DAPK1: variants seen among roughly 807,000 people sequenced by gnomAD.
DAPK1 encodes the protein death associated protein kinase 1.
DAPK1 carries 56 observed loss-of-function variants against 144.9 expected under a neutral mutation model. That is an observed-to-expected ratio of 0.39 (90% CI 0.31 to 0.48). The LOEUF is 0.48. DAPK1 is among the 20% of genes least tolerant of loss of function. The probability of loss-of-function intolerance (pLI) is 0.95; values close to 1 mark genes in which losing one functional copy is unlikely to be tolerated. For missense variants in DAPK1, 1,454 were observed against 1,875.4 expected (o/e 0.78, Z 4.15); for synonymous variants, 690 against 749.0 (o/e 0.92, Z 1.29).
intron 20 of DAPK1, among the ~76,000 whole-genome samples, chr9:87,684,712 G>A (rs12003536): frequency 0.058 from 8,799 of 152,148 alleles, 865 homozygotes; most frequent in African/African-American, 0.2. Flanking sequence ...GCGGAGAGGA[G>A]CCTGCGGGAG....
At chr9:87,590,369 C>CAAAAAAAAAAAAAAAAAAAAAAAAAAA (rs200588801) in intron 2 of DAPK1, among the ~76,000 whole-genome samples, 3 of 85,738 alleles carry the variant, frequency 3.5e-5, no homozygotes, top group African/African-American at 1.2e-4. Context: ...TCATTGGCCT[C>CAAAAAAAAAAAAAAAAAAAAAAAAAAA]AAAAAAAAAA....
intron 2 of DAPK1, among the ~76,000 whole-genome samples, chr9:87,600,517 C>T (rs1413390026): frequency 6.6e-6 from 1 of 151,982 alleles, no homozygotes; most frequent in Non-Finnish European, 1.5e-5. Flanking sequence ...TGCTCGAGCT[C>T]GGGAGGTCAA....
At chr9:87,549,470 A>G (rs1194528021) in intron 2 of DAPK1, among the ~76,000 whole-genome samples, 1 of 152,166 alleles carries the variant, frequency 6.6e-6, no homozygotes, top group Non-Finnish European at 1.5e-5. Flanking sequence ...ATTGCTGGGG[A>G]TTTCATTCTA....
chr9:87,588,965 T>C (rs113946290), intron 2 of DAPK1, among the ~76,000 whole-genome samples: 15,414 of 151,540 alleles, frequency 0.1, 1,451 homozygotes, highest in African/African-American at 0.25. Context: ...CTCAGCTCAC[T>C]GCGACCTCCA....
At chr9:87,536,282 T>C (rs1587697130) in intron 2 of DAPK1, among the ~76,000 whole-genome samples, 1 of 152,254 alleles carries the variant, frequency 6.6e-6, no homozygotes, top group Non-Finnish European at 1.5e-5. Context: ...CTCCCAAACA[T>C]GTTCTCAGGA....
At chr9:87,578,145 T>C (rs148153038) in intron 2 of DAPK1, among the ~76,000 whole-genome samples, 2 of 152,280 alleles carry the variant, frequency 1.3e-5, no homozygotes, top group African/African-American at 4.8e-5. Context: ...AAAGAGAAAA[T>C]AGGACTCTCT....
chr9:87,614,360 T>C (rs1181842203), intron 3 of DAPK1, among the ~76,000 whole-genome samples: 2 of 152,226 alleles, frequency 1.3e-5, no homozygotes, highest in African/African-American at 4.8e-5. Flanking sequence ...ACATGAGCTA[T>C]AAGTAATATT....
At chr9:87,562,945 G>A (rs35922489) in intron 2 of DAPK1, among the ~76,000 whole-genome samples, 2 of 152,298 alleles carry the variant, frequency 1.3e-5, no homozygotes, top group South Asian at 4.1e-4. Flanking sequence ...TCAAACAAGT[G>A]CTGACCTCTT....
chr9:87,584,664 T>TTGTGTGTGTGTG (rs113125719), intron 2 of DAPK1, among the ~76,000 whole-genome samples: 3,215 of 140,468 alleles, frequency 0.023, 90 homozygotes, highest in African/African-American at 0.075. Flanking sequence ...TGATAGCTCA[T>TTGTGTGTGTGTG]TGTGTGTGTG....
intron 2 of DAPK1, among the ~76,000 whole-genome samples, chr9:87,507,937 A>G (rs1056530457): frequency 6.6e-6 from 1 of 152,198 alleles, no homozygotes. Context: ...ATAAATTTTC[A>G]CCTACAAAAA....
intron 2 of DAPK1, among the ~76,000 whole-genome samples, chr9:87,578,283 T>C (rs1440880346): frequency 6.6e-6 from 1 of 152,242 alleles, no homozygotes; most frequent in Admixed American, 6.5e-5. Flanking sequence ...TTGCATAGCT[T>C]GCATTTTTAA....
At chr9:87,650,253 G>C in intron 16 of DAPK1, 135 bp downstream of exon 16, 1 of 792,280 alleles carries the variant, frequency 1.3e-6, no homozygotes, top group Non-Finnish European at 2.0e-6. Context: ...TCTCTTCTCT[G>C]TTCCAAAGAT....
At chr9:87,539,218 T>A (rs866383862) in intron 2 of DAPK1, among the ~76,000 whole-genome samples, 46 of 151,820 alleles carry the variant, frequency 3.0e-4, no homozygotes, top group Middle Eastern at 3.2e-3. Flanking sequence ...TGATAAGAAT[T>A]GTATTATATT....
chr9:87,623,280 C>T (rs1331053841), intron 3 of DAPK1, among the ~76,000 whole-genome samples: 2 of 152,146 alleles, frequency 1.3e-5, no homozygotes, highest in Non-Finnish European at 1.5e-5. Flanking sequence ...TTGCTTTTTT[C>T]ACTTATGAAT....
intron 2 of DAPK1, among the ~76,000 whole-genome samples, chr9:87,529,962 C>A (rs938193796): frequency 6.6e-6 from 1 of 152,170 alleles, no homozygotes; most frequent in African/African-American, 2.4e-5. Flanking sequence ...CCTAATGCCG[C>A]CCGCCCAAGC....
chr9:87,643,314 CCT>C, intron 10 of DAPK1, 60 bp from the exon 11 acceptor site: 1 of 983,962 alleles, frequency 1.0e-6, no homozygotes, highest in Non-Finnish European at 1.5e-6. Flanking sequence ...TGTCTCTCCT[CCT>C]CTCACCCTGC....
chr9:87,660,944 A>G (rs2119232300), intron 18 of DAPK1, among the ~76,000 whole-genome samples: 1 of 152,250 alleles, frequency 6.6e-6, no homozygotes, highest in East Asian at 1.9e-4. Flanking sequence ...TCCCAGGTTC[A>G]AGTGATTCTC....
chr9:87,506,343 T>C (rs991216214), intron 2 of DAPK1, among the ~76,000 whole-genome samples: 5 of 152,228 alleles, frequency 3.3e-5, no homozygotes, highest in African/African-American at 1.2e-4. Flanking sequence ...GGGTCTGCCC[T>C]TTGAGCTCAG....
At chr9:87,647,806 A>G (rs1000981264) in intron 14 of DAPK1, among the ~76,000 whole-genome samples, 1 of 152,226 alleles carries the variant, frequency 6.6e-6, no homozygotes, top group African/African-American at 2.4e-5. Context: ...CACAGACACT[A>G]GAAGATATTA....
Sources: gnomAD v4.1 joint callset for allele counts (sites outside exome capture counted in the v4.1 genomes callset) on GRCh38, gnomAD v4.1.1 for gene constraint, MANE v1.5 for transcripts, NCBI Gene and HGNC (gene_info 2026-07-23, HGNC 2026-07-21) for gene names.